Variants in SGCZ observed in about 807,000 individuals in gnomAD.
SGCZ encodes the protein zeta-sarcoglycan.
Under a neutral mutation model 41.3 loss-of-function variants are expected in SGCZ, and 40 were observed. The ratio of observed to expected loss-of-function variants is 0.97; its 90% CI spans 0.75 to 1.26. SGCZ has a LOEUF of 1.26. Ranked by LOEUF, SGCZ falls within the 50% of genes most tolerant of loss-of-function variation. The pLI, the probability that SGCZ is intolerant of heterozygous loss-of-function variation, is 0.00. For missense variants in SGCZ, 552 were observed against 369.8 expected (o/e 1.49, Z -4.04); for synonymous variants, 206 against 137.5 (o/e 1.50, Z -3.49).
rs1449485976 is a variant in SGCZ, at chr8:14,551,497, A to G, written c.234+3235T>C. Among the ~76,000 whole-genome samples the G allele has an allele frequency of 8.9e-4, 5 of 5,640 alleles. No individual in the cohort carries two copies. In the South Asian group the frequency reaches 0.024, roughly 27 times the overall value. 3.7% of individuals were successfully genotyped at this position (5,640 alleles called of 152,430 possible). A position where few individuals can be genotyped will look rare whatever the true frequency, so the allele number is the denominator to read the frequency against. ...ATTATATATTATATATATTATATAT[A>G]TTATATATATTATATATATTATATA... On this transcript the variant is annotated intron_variant, in intron 2 of 7. Transcript: ENST00000382080.
intron 2 of SGCZ, among the ~76,000 whole-genome samples, chr8:14,409,315 C>CT (rs1799297386): frequency 6.6e-6 from 1 of 151,990 alleles, no homozygotes; most frequent in African/African-American, 2.4e-5. Context: ...GAGGGGGCCT[C>CT]TTATTCTCCC....
chr8:15,044,123 C>G (rs889959309), intron 1 of SGCZ, among the ~76,000 whole-genome samples: 4 of 151,976 alleles, frequency 2.6e-5, no homozygotes, highest in Non-Finnish European at 5.9e-5. Context: ...GCTTTGATTC[C>G]AAATGAATTT....
At chr8:14,313,120 G>C (rs375203721) in intron 3 of SGCZ, among the ~76,000 whole-genome samples, 2 of 152,160 alleles carry the variant, frequency 1.3e-5, no homozygotes, top group Non-Finnish European at 2.9e-5. Context: ...TTTCGCAGCT[G>C]TGAGAGTATT....
chr8:14,749,099 T>A (rs1799423288), intron 1 of SGCZ, among the ~76,000 whole-genome samples: 1 of 152,204 alleles, frequency 6.6e-6, no homozygotes, highest in Admixed American at 6.6e-5. Context: ...ATTAATCTTC[T>A]ATTCATATTA....
intron 2 of SGCZ, among the ~76,000 whole-genome samples, chr8:14,407,444 G>T (rs1234200677): frequency 6.6e-6 from 1 of 152,052 alleles, no homozygotes; most frequent in Non-Finnish European, 1.5e-5. Flanking sequence ...TATGTGTTGG[G>T]TGGTGGATTC....
At chr8:14,671,479 A>G (rs936790080) in intron 1 of SGCZ, among the ~76,000 whole-genome samples, 7 of 152,206 alleles carry the variant, frequency 4.6e-5, no homozygotes, top group African/African-American at 1.4e-4. Context: ...CTACCATAAA[A>G]TTATTTGAAA....
chr8:15,058,908 G>T (rs778838264), intron 1 of SGCZ, among the ~76,000 whole-genome samples: 1 of 152,050 alleles, frequency 6.6e-6, no homozygotes, highest in Non-Finnish European at 1.5e-5. Context: ...GAGTGGAAAA[G>T]GAAATTACAG....
chr8:14,810,062 A>C (rs192198011), intron 1 of SGCZ, among the ~76,000 whole-genome samples: 10 of 152,196 alleles, frequency 6.6e-5, no homozygotes, highest in Admixed American at 5.2e-4. Flanking sequence ...CATACCACAG[A>C]CTATTTTAGA....
intron 1 of SGCZ, among the ~76,000 whole-genome samples, chr8:15,162,411 T>C (rs922935134): frequency 2.6e-5 from 4 of 152,242 alleles, no homozygotes; most frequent in African/African-American, 9.6e-5. Context: ...CTGATACTTT[T>C]CTTTCTTACA....
At chr8:14,974,433 A>G (rs1801398760) in intron 1 of SGCZ, among the ~76,000 whole-genome samples, 1 of 152,200 alleles carries the variant, frequency 6.6e-6, no homozygotes, top group African/African-American at 2.4e-5. Flanking sequence ...CAAAACTTTC[A>G]TCAGGATACA....
In SGCZ at chr8:14,640,615, T is replaced by C. The variant is rs1391885297; in HGVS notation, c.40-85689A>G. On this transcript the variant is annotated intron_variant, in intron 1 of 7. Transcript: ENST00000382080. ...TAAACCAAAACACCACACATATATA[T>C]ATACACACATATATGTGCAAACATA... Among the ~76,000 whole-genome samples, 7 of 150,632 alleles carry C rather than the reference T, an allele frequency of 4.6e-5. No homozygotes were observed. In the Admixed American group the frequency reaches 4.7e-4, roughly 10 times the overall value.
At chr8:14,787,839 T>A (rs1003475638) in intron 1 of SGCZ, among the ~76,000 whole-genome samples, 11 of 151,118 alleles carry the variant, frequency 7.3e-5, no homozygotes, top group Admixed American at 7.2e-4. Flanking sequence ...ACAGTGAAAC[T>A]CCATTTCAAA....
intron 1 of SGCZ, among the ~76,000 whole-genome samples, chr8:14,969,732 A>C (rs935364388): frequency 6.6e-6 from 1 of 152,016 alleles, no homozygotes; most frequent in African/African-American, 2.4e-5. Context: ...ACTCTTTTCT[A>C]TCACTGAGTA....
rs796146748 is a variant in SGCZ at position 15,217,455 on chromosome 8, C to CT, written c.39+20129dup. ...AAGAATTGAACTAACAAAAATACCTCTTTTTTTTTTTTTTCCTGAAATTTC... is the reference window on the plus strand; with the variant it reads ...AAGAATTGAACTAACAAAAATACCTCTTTTTTTTTTTTTTTCCTGAAATTTC... On this transcript the variant is annotated intron_variant, in intron 1 of 7. Coordinates refer to ENST00000382080, the MANE Select transcript of SGCZ (RefSeq NM_139167.4). Among the ~76,000 whole-genome samples the CT allele has an allele frequency of 6.3e-3, 886 of 141,388 alleles. 5 individuals carry two copies. Among genetic ancestry groups the CT allele is most frequent in the African/African-American group, 8.5e-3 (330 of 38,738 alleles). The allele number at this position is 141,388 out of a possible 152,430, so 92.8% of individuals were successfully genotyped here.
intron 1 of SGCZ, among the ~76,000 whole-genome samples, chr8:15,022,826 T>G (rs954072935): frequency 6.6e-6 from 1 of 152,198 alleles, no homozygotes; most frequent in Non-Finnish European, 1.5e-5. Context: ...GACATTCAAA[T>G]AGTCTTGTGC....
intron 2 of SGCZ, among the ~76,000 whole-genome samples, chr8:14,406,115 TC>T (rs1799206025): frequency 6.6e-6 from 1 of 152,092 alleles, no homozygotes; most frequent in Non-Finnish European, 1.5e-5. Context: ...AACTACAGTT[TC>T]CCATCTTCTG....
chr8:14,875,048 A>G (rs978459681), intron 1 of SGCZ, among the ~76,000 whole-genome samples: 6 of 152,190 alleles, frequency 3.9e-5, no homozygotes, highest in African/African-American at 1.2e-4. Flanking sequence ...GTGTATTGCT[A>G]TAACAAATGG....
At chr8:14,796,028 TATTCCATG>T (rs1262798776) in intron 1 of SGCZ, among the ~76,000 whole-genome samples, 46 of 152,336 alleles carry the variant, frequency 3.0e-4, no homozygotes, top group African/African-American at 1.0e-3. Context: ...GGCTGCACAG[TATTCCATG>T]GTGTGTATGT....
At chr8:14,763,967 T>A (rs868689387) in intron 1 of SGCZ, among the ~76,000 whole-genome samples, 2 of 152,304 alleles carry the variant, frequency 1.3e-5, no homozygotes, top group African/African-American at 2.4e-5. Context: ...TAGTTATGGG[T>A]ACACCTGGTG....
Sources: allele counts gnomAD v4.1 joint callset (sites outside exome capture counted in the v4.1 genomes callset), GRCh38; gene constraint gnomAD v4.1.1; transcripts MANE v1.5; gene names NCBI Gene and HGNC (gene_info 2026-07-23, HGNC 2026-07-21).